L3MBTL1: variants seen among roughly 807,000 people sequenced by gnomAD.
The protein encoded by L3MBTL1 is lethal(3)malignant brain tumor-like protein 1.
In L3MBTL1, 75 loss-of-function variants were observed where a neutral mutation model predicts 105.3. The observed-to-expected ratio is 0.71, with a 90% CI of 0.59 to 0.86. L3MBTL1 has a LOEUF of 0.86. Ranked by LOEUF, L3MBTL1 falls within the 40% of genes least tolerant of loss-of-function variation. L3MBTL1 has a pLI of 0.00. For missense variants in L3MBTL1, 1,069 were observed against 1,126.4 expected, an observed-to-expected ratio of 0.95 and a Z score of 0.73; for synonymous variants, 452 against 436.2, an observed-to-expected ratio of 1.04 and a Z score of -0.45.
At chr20:43,510,280 G>A (rs889059584) in intron 1 of L3MBTL1, among the ~76,000 whole-genome samples, 6 of 152,126 alleles carry the variant, frequency 3.9e-5, no homozygotes, top group Admixed American at 2.0e-4. Flanking sequence ...GATTATAGGC[G>A]TGAGCCACCA....
downstream of L3MBTL1, among the ~76,000 whole-genome samples, chr20:43,542,552 A>G (rs557356940): frequency 2.1e-4 from 32 of 151,746 alleles, no homozygotes; most frequent in African/African-American, 6.8e-4. Context: ...CTTGAACTCA[A>G]CATTTCAATC....
chr20:43,508,300 C>T (rs999861079), intron 1 of L3MBTL1, among the ~76,000 whole-genome samples: 1 of 152,072 alleles, frequency 6.6e-6, no homozygotes, highest in Non-Finnish European at 1.5e-5. Flanking sequence ...GACCGCCCCG[C>T]CCGCCTTTGC....
chr20:43,528,486 T>TC (rs1360193894), intron 7 of L3MBTL1, among the ~76,000 whole-genome samples, 171 bp from the exon 8 acceptor site: 1 of 152,176 alleles, frequency 6.6e-6, no homozygotes, highest in Non-Finnish European at 1.5e-5. Flanking sequence ...AGACTGAGCC[T>TC]CCCCTCAGCC....
At chr20:43,526,388 ACT>A (rs10550065) in intron 7 of L3MBTL1, among the ~76,000 whole-genome samples, 3,123 of 152,112 alleles carry the variant, frequency 0.021, 92 homozygotes, top group African/African-American at 0.069. Flanking sequence ...CCTGAAGTCT[ACT>A]CTCTCTTCTC....
At position 43,534,746 on chromosome 20, in the gene L3MBTL1, G is replaced by T. The variant is rs1414356027; in HGVS notation, c.1711-82G>T. ...CAATCCAGGATCTTGCTTCTGACAG[G>T]TCCCAGGGATGGGGAGAGGACCTTC... On this transcript the variant is annotated intron_variant, in intron 15 of 21. Transcript: ENST00000418998. The T allele has an allele frequency of 8.4e-6, 8 of 949,936 alleles. No homozygotes were observed. The South Asian group carries it at 8.8e-5, about 11-fold the overall frequency. The allele number at this position is 949,936 out of a possible 1,614,324, so 58.8% of individuals were successfully genotyped here.
chr20:43,530,360 C>T lies in L3MBTL1; in HGVS notation c.1133C>T (p.Pro378Leu). 6.2e-7 allele frequency: 1 copy of T among 1,614,142 alleles called. No homozygotes were observed. The highest frequency in any genetic ancestry group is 8.5e-7 in the Non-Finnish European group (1 of 1,180,006). ...CHDFWVNANS[P>L]DIHPAGWFEK... ...GACTTCTGGGTCAATGCCAACTCCC[C>T]TGACATTCACCCTGCTGGCTGGTTC... The change falls in exon 10 of 22, where the codon CCT becomes CTT. Residue 378 changes from proline to leucine, a missense_variant. By Grantham distance (98) the Pro-to-Leu change is moderately conservative. Coordinates refer to ENST00000418998, the MANE Select transcript of L3MBTL1 (RefSeq NM_001377303.1).
chr20:43,517,939 T>A (rs561004634), intron 7 of L3MBTL1, among the ~76,000 whole-genome samples: 3 of 152,318 alleles, frequency 2.0e-5, no homozygotes, highest in Admixed American at 2.0e-4. Flanking sequence ...AGGCAAAGGT[T>A]TAGCTCTCTT....
chr20:43,534,472 G>A, intron 15 of L3MBTL1, 78 bp downstream of exon 15: 1 of 1,105,852 alleles, frequency 9.0e-7, no homozygotes. Flanking sequence ...GAGGTCAGGG[G>A]CATCATGGCA....
chr20:43,518,440 C>G (rs1433931177), intron 7 of L3MBTL1, among the ~76,000 whole-genome samples: 1 of 152,162 alleles, frequency 6.6e-6, no homozygotes, highest in Non-Finnish European at 1.5e-5. Context: ...ACATGTGACT[C>G]ATGTGCCCAT....
intron 7 of L3MBTL1, chr20:43,523,567 C>T (rs961885150): frequency 8.5e-5 from 21 of 248,394 alleles, no homozygotes; most frequent in Admixed American, 6.3e-4. Context: ...CAGTATCCTG[C>T]GGCATTGTTC....
rs1385039978 is a variant in L3MBTL1 at position 43,515,339 on chromosome 20, T to G, written c.701T>G (p.Leu234Arg). 8.2e-6 allele frequency: 13 copies of G among 1,583,320 alleles called. No individual in the cohort carries two copies. The South Asian group carries it at 1.4e-4, about 17-fold the overall frequency. ...NSSGSTSASE[L>R]LKPMKKRKRR... Reference sequence around the variant, plus strand: ...TCAGGCTCTACCAGCGCTTCTGAGCTCCTCAAACCCATGAAGAAGAGGAAG... The same window carrying G: ...TCAGGCTCTACCAGCGCTTCTGAGCGCCTCAAACCCATGAAGAAGAGGAAG... Residue 234 changes from leucine (L) to arginine (R), a missense_variant, in exon 6 of 22, where the codon CTC becomes CGC. Coordinates refer to ENST00000418998, the MANE Select transcript of L3MBTL1 (RefSeq NM_001377303.1).
At chr20:43,532,421 T>A (rs1206714954) in intron 11 of L3MBTL1, 1 of 220,642 alleles carries the variant, frequency 4.5e-6, no homozygotes, top group African/African-American at 2.3e-5. Flanking sequence ...GCCACCCCAC[T>A]GTTGCCACAA....
chr20:43,543,006 T>C (rs992502641), downstream of L3MBTL1, among the ~76,000 whole-genome samples: 3 of 152,196 alleles, frequency 2.0e-5, no homozygotes, highest in Admixed American at 2.0e-4. Context: ...AGCTTTATTA[T>C]AGCCACATCA....
intron 8 of L3MBTL1, chr20:43,529,012 G>A (rs371625914): frequency 3.5e-5 from 21 of 601,522 alleles, no homozygotes; most frequent in South Asian, 3.2e-4. Flanking sequence ...ACTCAATTCA[G>A]CATTGATCTT....
At chr20:43,529,391 C>T (rs573366348) in intron 9 of L3MBTL1, 23 bp downstream of exon 9, 4 of 1,512,946 alleles carry the variant, frequency 2.6e-6, no homozygotes, top group Non-Finnish European at 3.7e-6. Context: ...TTGGTACCAC[C>T]TTTCTGATGA....
chr20:43,528,536 A>C, intron 7 of L3MBTL1, 121 bp from the exon 8 acceptor site: 1 of 711,398 alleles, frequency 1.4e-6, no homozygotes, highest in Non-Finnish European at 2.5e-6. Flanking sequence ...ACCAGAGGGT[A>C]CATGTGAACA....
intron 7 of L3MBTL1, among the ~76,000 whole-genome samples, chr20:43,521,615 A>G (rs1464440098): frequency 6.6e-6 from 1 of 152,232 alleles, no homozygotes; most frequent in Non-Finnish European, 1.5e-5. Flanking sequence ...AACTGAAGAG[A>G]GCAATTTCAC....
rs1293483814 is a variant in L3MBTL1, at chr20:43,514,784, C to T, written c.502+8C>T. 1.3e-6 allele frequency: 2 copies of T among 1,541,934 alleles called. No individual in the cohort carries two copies. Among genetic ancestry groups the T allele is most frequent in the Non-Finnish European group, 1.8e-6 (2 of 1,141,948 alleles). ...CGGGCCCCCAACAGGCGGGTAGGAGCCCCGCTCCCCAGGCCCTGAGCTGGG... is the reference window on the plus strand; with the variant it reads ...CGGGCCCCCAACAGGCGGGTAGGAGTCCCGCTCCCCAGGCCCTGAGCTGGG... On this transcript the variant is annotated splice_region_variant and intron_variant, in intron 4 of 21. Transcript: ENST00000418998.
intron 19 of L3MBTL1, among the ~76,000 whole-genome samples, chr20:43,537,436 T>TC (rs2019687002): frequency 6.6e-6 from 1 of 152,192 alleles, no homozygotes; most frequent in African/African-American, 2.4e-5. Flanking sequence ...CCAAAGTGTC[T>TC]CTTCTTGTAA....
Sources: allele counts gnomAD v4.1 joint callset (sites outside exome capture counted in the v4.1 genomes callset), GRCh38; gene constraint gnomAD v4.1.1; transcripts MANE v1.5; gene names NCBI Gene and HGNC (gene_info 2026-07-23, HGNC 2026-07-21).